BBX: variants seen among roughly 807,000 people sequenced by gnomAD.
BBX encodes the protein HMG box transcription factor BBX.
BBX carries 30 observed loss-of-function variants against 100.2 expected under a neutral mutation model. The observed-to-expected ratio is 0.30, with a 90% CI of 0.22 to 0.41. The LOEUF is 0.41. Ranked by LOEUF, BBX falls within the 10% of genes least tolerant of loss-of-function variation. BBX has a pLI of 1.00. For missense variants in BBX, 1,023 were observed against 1,129.8 expected, an observed-to-expected ratio of 0.91 and a Z score of 1.35; for synonymous variants, 376 against 388.1, an observed-to-expected ratio of 0.97 and a Z score of 0.37.
chr3:107,592,132 C>T (rs1466866575), intron 2 of BBX, among the ~76,000 whole-genome samples: 1 of 152,032 alleles, frequency 6.6e-6, no homozygotes, highest in Admixed American at 6.5e-5. Context: ...TTTGAGAAAA[C>T]TTGTAAGCTT....
chr3:107,534,847 G>C (rs1368964113), intron 2 of BBX, among the ~76,000 whole-genome samples: 1 of 152,134 alleles, frequency 6.6e-6, no homozygotes, highest in Non-Finnish European at 1.5e-5. Flanking sequence ...TCAGTTTTAG[G>C]TTGATAGAAT....
intron 2 of BBX, among the ~76,000 whole-genome samples, chr3:107,643,504 A>G (rs936659781): frequency 1.3e-5 from 2 of 152,004 alleles, no homozygotes; most frequent in Non-Finnish European, 2.9e-5. Flanking sequence ...AGGAGTCAGG[A>G]AGCCAAGGCT....
intron 13 of BBX, among the ~76,000 whole-genome samples, chr3:107,787,497 A>T (rs545738686): frequency 1.3e-5 from 2 of 152,194 alleles, no homozygotes; most frequent in Admixed American, 1.3e-4. Context: ...GGGGGAATAC[A>T]GGTATAGGAG....
At chr3:107,608,501 C>G (rs559193806) in intron 2 of BBX, among the ~76,000 whole-genome samples, 2 of 152,138 alleles carry the variant, frequency 1.3e-5, no homozygotes, top group South Asian at 4.1e-4. Flanking sequence ...TAAGGTGATT[C>G]CTCCAGTTTT....
chr3:107,642,077 A>G (rs1559908584), intron 2 of BBX, among the ~76,000 whole-genome samples: 1 of 152,216 alleles, frequency 6.6e-6, no homozygotes, highest in African/African-American at 2.4e-5. Flanking sequence ...GACCTGAGGC[A>G]TGGAATTAAT....
chr3:107,594,173 T>G (rs2053523735), intron 2 of BBX, among the ~76,000 whole-genome samples: 1 of 152,204 alleles, frequency 6.6e-6, no homozygotes, highest in African/African-American at 2.4e-5. Flanking sequence ...ATCTGATAAA[T>G]TTTTTTATAT....
In BBX at chr3:107,744,664, A is replaced by G. The variant is rs372483002; in HGVS notation, c.704A>G (p.Glu235Gly). 40 of 1,613,382 alleles carry G rather than the reference A, an allele frequency of 2.5e-5. No individual in the cohort carries two copies. The African/African-American group carries it at 5.1e-4, about 20-fold the overall frequency. ...GGCACATGCAGGCCTGATGTTTCAG[A>G]ATCTCCTGAATTACGTCAGAAGTCA... ...SSGTCRPDVS[E>G]SPELRQKSPL... is the part of the protein sequence containing the mutation. Residue 235 changes from glutamate (E) to glycine (G), a missense_variant, in exon 8 of 18, where the codon GAA becomes GGA. Coordinates refer to ENST00000325805, the MANE Select transcript of BBX (RefSeq NM_001142568.3).
chr3:107,781,952 G>A (rs1053893455), intron 13 of BBX, among the ~76,000 whole-genome samples: 1 of 152,122 alleles, frequency 6.6e-6, no homozygotes, highest in African/African-American at 2.4e-5. Flanking sequence ...TTGAGGTGGG[G>A]CCAAGCCAAT....
intron 12 of BBX, 150 bp from the exon 13 acceptor site, chr3:107,778,221 A>T: frequency 1.2e-6 from 1 of 867,858 alleles, no homozygotes; most frequent in Non-Finnish European, 1.8e-6. Context: ...CAAGCATTTC[A>T]GAAAAGGTGT....
chr3:107,753,562 C>CT (rs1576640534), intron 9 of BBX, among the ~76,000 whole-genome samples: 2 of 152,200 alleles, frequency 1.3e-5, no homozygotes, highest in East Asian at 3.8e-4. Flanking sequence ...GACAGCTTTG[C>CT]TTTAACTCTA....
At chr3:107,763,226 C>CTTT (rs10708684) in intron 10 of BBX, among the ~76,000 whole-genome samples, 6 of 137,596 alleles carry the variant, frequency 4.4e-5, no homozygotes, top group Admixed American at 7.3e-5. Flanking sequence ...GTGGTATTAC[C>CTTT]TTTTTTTTTT....
chr3:107,736,578 A>T (rs1345211989), intron 7 of BBX, among the ~76,000 whole-genome samples: 2 of 152,122 alleles, frequency 1.3e-5, no homozygotes, highest in Non-Finnish European at 2.9e-5. Flanking sequence ...AATACAAAAA[A>T]TTGTCAGTAC....
chr3:107,537,238 G>A (rs1486819662), intron 2 of BBX, among the ~76,000 whole-genome samples: 6 of 152,130 alleles, frequency 3.9e-5, no homozygotes, highest in African/African-American at 1.4e-4. Flanking sequence ...GTCACCATAT[G>A]TAAAGACAAC....
intron 13 of BBX, among the ~76,000 whole-genome samples, chr3:107,784,227 A>T (rs1354767042): frequency 6.6e-6 from 1 of 151,982 alleles, no homozygotes; most frequent in Non-Finnish European, 1.5e-5. Flanking sequence ...TGAGACGTAC[A>T]GTGGAAAAAG....
chr3:107,810,057 C>T lies in BBX; in HGVS notation c.*4600C>T, dbSNP rs1241606844. The stretch of plus-strand genomic sequence containing the variant: ...GTTTATTATACTCTATATTAAACAA[C>T]TTTGTTCATTTCACTGAGGACCTTA... On this transcript the variant is annotated 3_prime_UTR_variant, in exon 18 of 18. Transcript: ENST00000325805. 1 of 152,100 alleles carries T rather than the reference C, an allele frequency of 6.6e-6. No individual in the cohort carries two copies. The highest frequency in any genetic ancestry group is 1.5e-5 in the Non-Finnish European group (1 of 68,022). 9.4% of individuals were successfully genotyped at this position (152,100 alleles called of 1,614,324 possible).
intron 2 of BBX, among the ~76,000 whole-genome samples, chr3:107,613,482 C>A (rs954276553): frequency 2.6e-5 from 4 of 151,528 alleles, no homozygotes; most frequent in Admixed American, 6.6e-5. Context: ...ATATACACAA[C>A]CATGATGAAC....
chr3:107,587,192 C>CT, intron 2 of BBX, among the ~76,000 whole-genome samples: 1 of 151,832 alleles, frequency 6.6e-6, no homozygotes, highest in East Asian at 1.9e-4. Flanking sequence ...AAAAAATTAG[C>CT]TGTTGTGGTG....
chr3:107,547,203 C>T (rs1028349514), intron 2 of BBX, among the ~76,000 whole-genome samples: 5 of 151,938 alleles, frequency 3.3e-5, no homozygotes, highest in African/African-American at 4.8e-5. Context: ...CAGCTGTAGT[C>T]GGGATGATGG....
chr3:107,613,008 C>G (rs2107660084), intron 2 of BBX, among the ~76,000 whole-genome samples: 1 of 152,166 alleles, frequency 6.6e-6, no homozygotes, highest in Non-Finnish European at 1.5e-5. Flanking sequence ...GCAGAGGAGT[C>G]TCTCAGTGTC....
Sources: allele counts gnomAD v4.1 joint callset (sites outside exome capture counted in the v4.1 genomes callset), GRCh38; gene constraint gnomAD v4.1.1; transcripts MANE v1.5; gene names NCBI Gene and HGNC (gene_info 2026-07-23, HGNC 2026-07-21).